ABCA3: variants seen among roughly 807,000 people sequenced by gnomAD.
ABCA3 encodes ATP binding cassette subfamily A member 3.
In ABCA3, 88 loss-of-function variants were observed where a neutral mutation model predicts 172.8. The observed-to-expected ratio is 0.51, with a 90% confidence interval of 0.43 to 0.61. The LOEUF is 0.61. Among genes scored for constraint, ABCA3 ranks in the 20% least tolerant of loss-of-function variants. The pLI is 0.00. For synonymous variants in ABCA3, 1,066 were observed against 983.8 expected (o/e 1.08, Z -1.56); for missense variants, 2,164 against 2,301.0 (o/e 0.94, Z 1.22).
chr16:2,317,758 T>G lies in ABCA3; in HGVS notation c.880A>C (p.Met294Leu). The change falls in exon 9 of 33, where the codon ATG becomes CTG. Residue 294 changes from methionine to leucine, a missense_variant. Coordinates refer to ENST00000301732, the MANE Select transcript of ABCA3 (RefSeq NM_001089.3). ...CAGCTGCTGAGCCCCATCATGCGCA[T>G]GTACTCCTGGGGAGAGAAGCCATCA... is the stretch of plus-strand genomic sequence containing the variant. ...QEKERRLKEYMRMMGLSSWLH... is the reference protein window; with the variant it reads ...QEKERRLKEYLRMMGLSSWLH... 2 of 1,613,930 alleles carry G rather than the reference T, an allele frequency of 1.2e-6. No homozygotes were observed. Among genetic ancestry groups the G allele is most frequent in the South Asian group, 1.1e-5 (1 of 91,084 alleles).
At position 2,295,694 on chromosome 16, in the gene ABCA3, C is replaced by T. The variant is rs376037988; in HGVS notation, c.2310G>A (p.Pro770=). Residue 770 remains proline, a synonymous_variant, in exon 18 of 33, where the codon CCG becomes CCA. Transcript: ENST00000301732. ...GGTGGACCAGCTGGGAGATGTCTTC[C>T]GGGTTGCAGTGCGGCTCCTTCACCA... is the stretch of plus-strand genomic sequence containing the variant. ...MTLVKEPHCN[P]EDISQLVHHH... is the part of the protein sequence containing the mutation. 7.4e-6 allele frequency: 12 copies of T among 1,613,922 alleles called. No individual in the cohort carries two copies. Among genetic ancestry groups the T allele is most frequent in the African/African-American group, 2.7e-5 (2 of 74,944 alleles).
At chr16:2,339,540 A>T (rs2093757168) in intron 1 of ABCA3, among the ~76,000 whole-genome samples, 1 of 152,222 alleles carries the variant, frequency 6.6e-6, no homozygotes, top group Admixed American at 6.5e-5. Context: ...CAAGTTTACA[A>T]AAGGCAGCGC....
rs370065784 is a variant in ABCA3, at chr16:2,276,737, C to T, written c.5052G>A (p.Ser1684=). ...GVDDYSVSQI[S]LEQVFLSFAH... is the part of the protein sequence containing the mutation. Reference sequence around the variant, plus strand: ...CGAAGCTCAGGAAGACCTGTTCCAGCGAGATCTGGCTCACGGAGTAGTCGT... The same window carrying T: ...CGAAGCTCAGGAAGACCTGTTCCAGTGAGATCTGGCTCACGGAGTAGTCGT... Residue 1684 remains serine, a synonymous_variant, in exon 33 of 33, where the codon TCG becomes TCA. Coordinates refer to ENST00000301732, the MANE Select transcript of ABCA3 (RefSeq NM_001089.3). 13 of 1,613,998 alleles carry T rather than the reference C, an allele frequency of 8.1e-6. No individual in the cohort carries two copies. Among genetic ancestry groups the T allele is most frequent in the South Asian group, 6.6e-5 (6 of 91,088 alleles).
At chr16:2,303,883 G>A in intron 12 of ABCA3, 86 bp downstream of exon 12, 1 of 1,465,970 alleles carries the variant, frequency 6.8e-7, no homozygotes, top group Non-Finnish European at 9.5e-7. Context: ...TGCATGCTGG[G>A]GACTCAGAGG....
In ABCA3 at chr16:2,317,257, C is replaced by T. The variant is rs746646890; in HGVS notation, c.1111+26G>A. 8 of 1,613,436 alleles carry T rather than the reference C, an allele frequency of 5.0e-6. No homozygotes were observed. In the African/African-American group the frequency reaches 8.0e-5, roughly 16 times the overall value. The stretch of plus-strand genomic sequence containing the variant: ...ATGGCCCTTGGCCCCTTGGCAACCC[C>T]ACTCTGCCCCATGACTGGGGCTCAC... On this transcript the variant is annotated intron_variant, in intron 10 of 32. Coordinates refer to ENST00000301732, the MANE Select transcript of ABCA3 (RefSeq NM_001089.3).
At position 2,277,841 on chromosome 16, in the gene ABCA3, G is replaced by A. The variant is rs535607538; in HGVS notation, c.4909+38C>T. ...TGGGAGAGGCCTAGGTAGGGGCCCA[G>A]GGCCCACCCAGTGGGGGCTGCCGGG... On this transcript the variant is annotated intron_variant, in intron 31 of 32. Coordinates refer to ENST00000301732, the MANE Select transcript of ABCA3 (RefSeq NM_001089.3). This position sits in a 1 kb window ranked among gnomAD's most constrained non-coding sequence, Gnocchi z 5.3. 6.2e-7 allele frequency: 1 copy of A among 1,606,774 alleles called. No individual in the cohort carries two copies. Among genetic ancestry groups the A allele is most frequent in the South Asian group, 1.1e-5 (1 of 90,676 alleles).
At chr16:2,303,553 A>C (rs970326578) in intron 12 of ABCA3, among the ~76,000 whole-genome samples, 1 of 152,118 alleles carries the variant, frequency 6.6e-6, no homozygotes, top group Non-Finnish European at 1.5e-5. Context: ...TACAGGCGTG[A>C]GCCACCACGC....
chr16:2,295,032 A>T (rs181762757), intron 18 of ABCA3, among the ~76,000 whole-genome samples: 43 of 152,260 alleles, frequency 2.8e-4, no homozygotes, highest in Middle Eastern at 6.8e-3. Context: ...TGTAAAATGG[A>T]AAAAAATCTG....
In ABCA3 at chr16:2,285,065, G is replaced by T; in HGVS notation, c.3484-67C>A. On this transcript the variant is annotated intron_variant, in intron 23 of 32. Coordinates refer to ENST00000301732, the MANE Select transcript of ABCA3 (RefSeq NM_001089.3). This position sits in a 1 kb window ranked among gnomAD's most constrained non-coding sequence, Gnocchi z 4.7. ...AGAGGAGCTCACGGGTAGGGAAGGG[G>T]TGAGAGGAGCATTTGGAGGTCCTCA... The T allele has an allele frequency of 6.5e-7, 1 of 1,535,282 alleles. No individual in the cohort carries two copies. Among genetic ancestry groups the T allele is most frequent in the Non-Finnish European group, 8.8e-7 (1 of 1,130,390 alleles).
At chr16:2,306,887 C>T (rs920396150) in intron 11 of ABCA3, among the ~76,000 whole-genome samples, 1 of 151,480 alleles carries the variant, frequency 6.6e-6, no homozygotes, top group African/African-American at 2.4e-5. Flanking sequence ...CGGTGGCGGG[C>T]GCCTGTAGTC....
rs201661615 is a variant in ABCA3 at position 2,307,016 on chromosome 16, CAAAAA to C, written c.1285+1429_1285+1433del. Among the ~76,000 whole-genome samples, 3 of 66,020 alleles carry C rather than the reference CAAAAA, an allele frequency of 4.5e-5. No individual in the cohort carries two copies. The Middle Eastern group carries it at 0.033, about 734-fold the overall frequency. The allele number at this position is 66,020 out of a possible 152,430, so 43.3% of individuals were successfully genotyped here. ...GGTGAAAGAGTGAGAGACTCCGTCT[CAAAAA>C]AAAAAAAAAAAAAAAAAAGAAAAGA... On this transcript the variant is annotated intron_variant, in intron 11 of 32. Transcript: ENST00000301732.
At chr16:2,317,496 A>C in intron 9 of ABCA3, 93 bp from the exon 10 acceptor site, 1 of 1,598,888 alleles carries the variant, frequency 6.3e-7, no homozygotes, top group Non-Finnish European at 8.5e-7. Flanking sequence ...ACGCGGCTCC[A>C]CCGAGAGGAG....
Position 2,285,077 on chromosome 16 carries a change from T to C in ABCA3, c.3484-79A>G, listed in dbSNP as rs2093660799. 2 of 1,469,802 alleles carry C rather than the reference T, an allele frequency of 1.4e-6. No homozygotes were observed. The highest frequency in any genetic ancestry group is 4.9e-5 in the East Asian group (2 of 41,170). 91.0% of individuals were successfully genotyped at this position (1,469,802 alleles called of 1,614,324 possible). A position where few individuals can be genotyped will look rare whatever the true frequency, so the allele number is the denominator to read the frequency against. On this transcript the variant is annotated intron_variant, in intron 23 of 32. Coordinates refer to ENST00000301732, the MANE Select transcript of ABCA3 (RefSeq NM_001089.3). This position sits in a 1 kb window ranked among gnomAD's most constrained non-coding sequence, Gnocchi z 4.7. ...GGGTAGGGAAGGGGTGAGAGGAGCA[T>C]TTGGAGGTCCTCAGACCCCTCCCGG...
intron 1 of ABCA3, among the ~76,000 whole-genome samples, chr16:2,339,654 C>T (rs1479412818): frequency 6.6e-6 from 1 of 152,240 alleles, no homozygotes; most frequent in Admixed American, 6.5e-5. Context: ...CGGCTACTCA[C>T]TCAGCGGGCA....
Position 2,287,636 on chromosome 16 carries a change from TG to T in ABCA3, c.3004+389del, listed in dbSNP as rs1376473515. On this transcript the variant is annotated intron_variant, in intron 21 of 32. Coordinates refer to ENST00000301732, the MANE Select transcript of ABCA3 (RefSeq NM_001089.3). This position sits in a 1 kb window ranked among gnomAD's most constrained non-coding sequence, Gnocchi z 4.1. ...CACCCTGTCACACGAAGGCACACTG[TG>T]GCCAGCATCATCACAAAGCAAAGGT... is the stretch of plus-strand genomic sequence containing the variant. 1.3e-5 allele frequency among the ~76,000 whole-genome samples: 2 copies of T among 152,222 alleles called. No individual in the cohort carries two copies. The highest frequency in any genetic ancestry group is 2.9e-5 in the Non-Finnish European group (2 of 68,032).
chr16:2,291,559 C>G (rs182940255), intron 19 of ABCA3, among the ~76,000 whole-genome samples: 1 of 152,180 alleles, frequency 6.6e-6, no homozygotes, highest in African/African-American at 2.4e-5. Context: ...CCTCTGACGC[C>G]GTGTGCCAGC....
Position 2,286,580 on chromosome 16 carries a change from C to G in ABCA3, c.3278+114G>C. The G allele has an allele frequency of 7.1e-7, 1 of 1,416,540 alleles. No individual in the cohort carries two copies. The highest frequency in any genetic ancestry group is 9.6e-7 in the Non-Finnish European group (1 of 1,040,512). 87.7% of individuals were successfully genotyped at this position (1,416,540 alleles called of 1,614,324 possible). A position where few individuals can be genotyped will look rare whatever the true frequency, so the allele number is the denominator to read the frequency against. ...TGTGGCAGGGGTTTCCCACCAGACCCAGGGGCTTTGGGAGGGCAGACACAA... is the reference window on the plus strand; with the variant it reads ...TGTGGCAGGGGTTTCCCACCAGACCGAGGGGCTTTGGGAGGGCAGACACAA... On this transcript the variant is annotated intron_variant, in intron 22 of 32. Coordinates refer to ENST00000301732, the MANE Select transcript of ABCA3 (RefSeq NM_001089.3). The surrounding 1 kb of genome is among the most constrained non-coding windows in gnomAD (Gnocchi z 5.2).
rs376461023 is a variant in ABCA3, at chr16:2,317,429, C to T, written c.991-26G>A. ...CTGCAGGGCACAGGCATGAGTCGGG[C>T]GTGGTGGGCCGGCAGAGGTGGACCA... is the stretch of plus-strand genomic sequence containing the variant. On this transcript the variant is annotated intron_variant, in intron 9 of 32. Transcript: ENST00000301732. 1.6e-5 allele frequency: 26 copies of T among 1,612,226 alleles called. No individual in the cohort carries two copies. The East Asian group carries it at 3.3e-4, about 21-fold the overall frequency.
chr16:2,315,350 T>C (rs1259471231), intron 10 of ABCA3, among the ~76,000 whole-genome samples: 1 of 152,126 alleles, frequency 6.6e-6, no homozygotes, highest in East Asian at 1.9e-4. Flanking sequence ...CCTAGACTTT[T>C]GGCAGACTCC....
Sources: gnomAD v4.1 joint callset for allele counts (sites outside exome capture counted in the v4.1 genomes callset) on GRCh38, gnomAD v4.1.1 for gene constraint, Gnocchi (gnomAD v3.1) non-coding constraint, MANE v1.5 for transcripts, NCBI Gene and HGNC (gene_info 2026-07-23, HGNC 2026-07-21) for gene names.